The following SNX13 variants were observed in gnomAD, a reference collection of about 807,000 sequenced individuals.
The protein encoded by SNX13 is sorting nexin 13.
In SNX13, 45 loss-of-function variants were observed where a neutral mutation model predicts 133.6. The observed-to-expected ratio is 0.34, with a 90% confidence interval of 0.27 to 0.43. SNX13 has a LOEUF of 0.43. SNX13 is among the 20% of genes least tolerant of loss of function. The pLI is 1.00. For missense variants in SNX13, 1,032 were observed against 1,145.1 expected (o/e 0.90, Z 1.43); for synonymous variants, 414 against 373.9 (o/e 1.11, Z -1.24).
chr7:17,839,127 T>A, intron 13 of SNX13, among the ~76,000 whole-genome samples: 1 of 149,514 alleles, frequency 6.7e-6, no homozygotes, highest in East Asian at 1.9e-4. Context: ...ATACATTCTA[T>A]AATAAAATAA....
At chr7:17,904,760 A>G (rs541259816) in intron 1 of SNX13, among the ~76,000 whole-genome samples, 48 of 152,298 alleles carry the variant, frequency 3.2e-4, no homozygotes, top group Non-Finnish European at 5.9e-4. Flanking sequence ...TCAACAATAA[A>G]AATAAGTAGC....
intron 5 of SNX13, chr7:17,888,575 C>T (rs1490354407): frequency 2.4e-6 from 1 of 411,514 alleles, no homozygotes; most frequent in Middle Eastern, 3.6e-4. Context: ...TGGACCTTAG[C>T]TTCCTCATCA....
chr7:17,824,179 T>TAA (rs548777346), intron 17 of SNX13, among the ~76,000 whole-genome samples: 2 of 149,182 alleles, frequency 1.3e-5, no homozygotes, highest in African/African-American at 2.5e-5. Flanking sequence ...TCTTATTATG[T>TAA]AAAAAAAAAA....
At chr7:17,877,086 T>C (rs529256215) in intron 5 of SNX13, among the ~76,000 whole-genome samples, 2 of 138,724 alleles carry the variant, frequency 1.4e-5, no homozygotes, top group South Asian at 2.3e-4. Flanking sequence ...AGAGTCAGTA[T>C]GATGTTGAAA....
intron 1 of SNX13, among the ~76,000 whole-genome samples, chr7:17,918,799 A>T (rs918621126): frequency 6.6e-6 from 1 of 152,222 alleles, no homozygotes; most frequent in African/African-American, 2.4e-5. Flanking sequence ...GGTAATCTGC[A>T]CTCATATGTT....
At chr7:17,938,252 T>A (rs1802337601) in intron 1 of SNX13, among the ~76,000 whole-genome samples, 1 of 152,198 alleles carries the variant, frequency 6.6e-6, no homozygotes, top group Non-Finnish European at 1.5e-5. Context: ...GGAAGTACAA[T>A]AGCATGTTTT....
chr7:17,890,443 A>G lies in SNX13; in HGVS notation c.360T>C (p.Tyr120=), dbSNP rs1488849677. The change falls in exon 5 of 26, where the codon TAT becomes TAC. Residue 120 remains tyrosine (Y), a synonymous_variant. Coordinates refer to ENST00000428135, the MANE Select transcript of SNX13 (RefSeq NM_015132.5). Reference sequence around the variant, plus strand: ...AAGATTCATCATCGCTTAGTGTATAATACCAATACTGGACATAATCCCTCA... The same window carrying G: ...AAGATTCATCATCGCTTAGTGTATAGTACCAATACTGGACATAATCCCTCA... ...FSLRDYVQYW[Y]YTLSDDESFL... The G allele has an allele frequency of 3.1e-6, 5 of 1,607,236 alleles. No individual in the cohort carries two copies. The highest frequency in any genetic ancestry group is 4.3e-6 in the Non-Finnish European group (5 of 1,175,646).
At chr7:17,835,396 T>G (rs1789021696) in intron 13 of SNX13, among the ~76,000 whole-genome samples, 1 of 151,924 alleles carries the variant, frequency 6.6e-6, no homozygotes, top group Non-Finnish European at 1.5e-5. Flanking sequence ...AAATTTGGTT[T>G]TATAACTAAT....
intron 9 of SNX13, among the ~76,000 whole-genome samples, chr7:17,862,067 C>G (rs181296150): frequency 2.0e-5 from 3 of 152,288 alleles, no homozygotes; most frequent in African/African-American, 7.2e-5. Context: ...AGGCTAAGCC[C>G]ACTCCAAAAT....
intron 9 of SNX13, among the ~76,000 whole-genome samples, chr7:17,859,261 CGGG>C (rs1326456494): frequency 6.6e-6 from 1 of 151,514 alleles, no homozygotes; most frequent in Non-Finnish European, 1.5e-5. Flanking sequence ...AAAAGATAAA[CGGG>C]GAGAAAATGA....
At chr7:17,901,025 A>T (rs185515679) in intron 1 of SNX13, among the ~76,000 whole-genome samples, 3 of 152,112 alleles carry the variant, frequency 2.0e-5, no homozygotes, top group African/African-American at 7.2e-5. Flanking sequence ...CTCTTTAGTC[A>T]GCAGGCAATC....
intron 18 of SNX13, among the ~76,000 whole-genome samples, chr7:17,821,153 A>G (rs1787236469): frequency 1.3e-5 from 2 of 152,226 alleles, no homozygotes; most frequent in South Asian, 4.1e-4. Context: ...TTCAAAAACA[A>G]AAGCACAAAA....
intron 2 of SNX13, among the ~76,000 whole-genome samples, chr7:17,895,883 G>T (rs1406721816): frequency 2.0e-5 from 3 of 152,050 alleles, no homozygotes; most frequent in Admixed American, 6.6e-5. Context: ...AGCCTATAAA[G>T]CTGCAATATC....
intron 15 of SNX13, among the ~76,000 whole-genome samples, 197 bp downstream of exon 15, chr7:17,833,855 T>A (rs1445406805): frequency 1.3e-5 from 2 of 151,876 alleles, no homozygotes; most frequent in East Asian, 3.9e-4. Context: ...ATAGTTACAT[T>A]CTAATCCACT....
chr7:17,933,936 C>A (rs995426476), intron 1 of SNX13, among the ~76,000 whole-genome samples: 22 of 152,094 alleles, frequency 1.4e-4, no homozygotes, highest in African/African-American at 5.3e-4. Flanking sequence ...CCCAATTTTA[C>A]ACAGAAGGAA....
At chr7:17,863,717 G>A (rs1291247447) in intron 9 of SNX13, among the ~76,000 whole-genome samples, 1 of 152,216 alleles carries the variant, frequency 6.6e-6, no homozygotes, top group East Asian at 1.9e-4. Flanking sequence ...CCCCAGTACT[G>A]TGCTGCTCTG....
chr7:17,838,875 T>C (rs778067672), intron 13 of SNX13, among the ~76,000 whole-genome samples: 3 of 151,742 alleles, frequency 2.0e-5, no homozygotes, highest in South Asian at 4.1e-4. Context: ...TTGGAGAATG[T>C]TTCATGTGTT....
chr7:17,910,289 A>G (rs1411012037), intron 1 of SNX13, among the ~76,000 whole-genome samples: 1 of 152,258 alleles, frequency 6.6e-6, no homozygotes, highest in Non-Finnish European at 1.5e-5. Context: ...GGAATAAAAC[A>G]AAATACAATT....
chr7:17,936,693 T>C (rs1459411468), intron 1 of SNX13, among the ~76,000 whole-genome samples: 2 of 152,162 alleles, frequency 1.3e-5, no homozygotes, highest in Non-Finnish European at 2.9e-5. Context: ...AAAAGTGTGT[T>C]TGATAAAAAT....
Sources: gnomAD v4.1 joint callset for allele counts (sites outside exome capture counted in the v4.1 genomes callset) on GRCh38, gnomAD v4.1.1 for gene constraint, MANE v1.5 for transcripts, NCBI Gene and HGNC (gene_info 2026-07-23, HGNC 2026-07-21) for gene names.